ATP9B: variants seen among roughly 807,000 people sequenced by gnomAD.
The protein encoded by ATP9B is ATPase phospholipid transporting 9B.
A neutral mutation model predicts 146.1 loss-of-function variants in ATP9B; 110 were observed. The ratio of observed to expected loss-of-function variants is 0.75; its 90% CI spans 0.65 to 0.88. ATP9B has a LOEUF of 0.88. ATP9B is among the 40% of genes least tolerant of loss of function. The pLI is 0.00. For synonymous variants in ATP9B, 604 were observed against 569.7 expected, an observed-to-expected ratio of 1.06 and a Z score of -0.86; for missense variants, 1,499 against 1,496.4, an observed-to-expected ratio of 1.00 and a Z score of -0.03.
At chr18:79,289,943 G>A (rs1039311187) in intron 13 of ATP9B, among the ~76,000 whole-genome samples, 5 of 152,144 alleles carry the variant, frequency 3.3e-5, no homozygotes, top group Non-Finnish European at 7.3e-5. Flanking sequence ...CGTGAATCGC[G>A]AATGCTGCTG....
chr18:79,128,011 A>G (rs1452044798), intron 5 of ATP9B, among the ~76,000 whole-genome samples: 2 of 128,948 alleles, frequency 1.6e-5, no homozygotes, highest in Non-Finnish European at 3.3e-5. Flanking sequence ...AGCTGTTTGT[A>G]TATCTTTTCT....
intron 11 of ATP9B, among the ~76,000 whole-genome samples, chr18:79,247,367 T>C (rs150997069): frequency 2.0e-5 from 3 of 152,314 alleles, no homozygotes; most frequent in Non-Finnish European, 4.4e-5. Flanking sequence ...TGGACAATTA[T>C]AAAAAATTCT....
chr18:79,194,781 A>T (rs2095403317), intron 9 of ATP9B, among the ~76,000 whole-genome samples: 1 of 149,776 alleles, frequency 6.7e-6, no homozygotes, highest in African/African-American at 2.4e-5. Flanking sequence ...AATTTACTGT[A>T]AGTGGGGAAA....
intron 13 of ATP9B, among the ~76,000 whole-genome samples, chr18:79,289,761 T>G (rs2096482850): frequency 6.6e-6 from 1 of 152,202 alleles, no homozygotes; most frequent in Admixed American, 6.5e-5. Flanking sequence ...TTTTGGTCTT[T>G]GATGATGGTG....
chr18:79,347,761 T>C lies in ATP9B; in HGVS notation c.2683-9T>C. 6.5e-7 allele frequency: 1 copy of C among 1,533,788 alleles called. No individual in the cohort carries two copies. The highest frequency in any genetic ancestry group is 8.8e-7 in the Non-Finnish European group (1 of 1,140,522). On this transcript the variant is annotated splice_polypyrimidine_tract_variant and intron_variant, in intron 23 of 29. Coordinates refer to ENST00000426216, the MANE Select transcript of ATP9B (RefSeq NM_198531.5). ...ATGTTTGAAAAGGCCCCGTGTGCTT[T>C]TCTCTCAGGAGGGTAAACAGGCCTC...
chr18:79,194,832 G>A (rs1463741716), intron 9 of ATP9B, among the ~76,000 whole-genome samples: 1 of 152,264 alleles, frequency 6.6e-6, no homozygotes, highest in Non-Finnish European at 1.5e-5. Context: ...CCAGGATGGT[G>A]CAGCAGAAGG....
At chr18:79,217,196 A>T (rs924065175) in intron 11 of ATP9B, among the ~76,000 whole-genome samples, 2 of 152,052 alleles carry the variant, frequency 1.3e-5, no homozygotes, top group African/African-American at 4.8e-5. Flanking sequence ...TTATTTATTT[A>T]TTTTTTGAGA....
intron 9 of ATP9B, among the ~76,000 whole-genome samples, chr18:79,200,315 C>T (rs2095456866): frequency 6.6e-6 from 1 of 152,192 alleles, no homozygotes; most frequent in South Asian, 2.1e-4. Context: ...GAAGCAGAAA[C>T]TGTTAGAACT....
At chr18:79,079,145 A>C (rs2072967439) in intron 1 of ATP9B, among the ~76,000 whole-genome samples, 1 of 152,212 alleles carries the variant, frequency 6.6e-6, no homozygotes, top group African/African-American at 2.4e-5. Context: ...TCTTTATAGT[A>C]GAATGATTTA....
intron 1 of ATP9B, among the ~76,000 whole-genome samples, chr18:79,071,054 T>TTC (rs1429779512): frequency 2.7e-5 from 4 of 149,982 alleles, no homozygotes; most frequent in Non-Finnish European, 1.5e-5. Flanking sequence ...TGTTTCTTTT[T>TTC]TTTTTTTTTT....
chr18:79,206,949 C>A lies in ATP9B; in HGVS notation c.967C>A (p.Pro323Thr). The A allele has an allele frequency of 6.2e-7, 1 of 1,613,956 alleles. No individual in the cohort carries two copies. The highest frequency in any genetic ancestry group is 8.5e-7 in the Non-Finnish European group (1 of 1,179,914). Residue 323 changes from proline (P) to threonine (T), a missense_variant, in exon 10 of 30, where the codon CCG becomes ACG. By Grantham distance (38) the Pro-to-Thr change is conservative. Transcript: ENST00000426216. ...TCTCCCTGCACAGGAAGACAGTGAC[C>A]CGCCCATTCATGAAAGTCTCAGCAT... Reference protein sequence around the residue: ...EGTFTREDSDPPIHESLSIEN... With the variant: ...EGTFTREDSDTPIHESLSIEN...
intron 17 of ATP9B, among the ~76,000 whole-genome samples, chr18:79,335,875 A>G (rs2096821860): frequency 6.6e-6 from 1 of 152,192 alleles, no homozygotes; most frequent in Non-Finnish European, 1.5e-5. Context: ...TTGCCCAAAA[A>G]CACAAAGTCT....
intron 12 of ATP9B, among the ~76,000 whole-genome samples, chr18:79,259,482 A>G (rs1401116344): frequency 1.3e-5 from 2 of 152,190 alleles, no homozygotes; most frequent in African/African-American, 4.8e-5. Flanking sequence ...ACAAAGTGAT[A>G]AAGGTGTTCC....
intron 11 of ATP9B, among the ~76,000 whole-genome samples, chr18:79,235,358 A>G (rs1230264043): frequency 6.6e-6 from 1 of 151,882 alleles, no homozygotes; most frequent in Non-Finnish European, 1.5e-5. Context: ...TATAAACTAG[A>G]CTCCCATTCA....
At chr18:79,286,050 A>T (rs1198832000) in intron 13 of ATP9B, among the ~76,000 whole-genome samples, 1 of 151,390 alleles carries the variant, frequency 6.6e-6, no homozygotes, top group East Asian at 1.9e-4. Flanking sequence ...GTCAGGTAGC[A>T]TGATGCCTCC....
chr18:79,135,438 C>G (rs2094436198), intron 5 of ATP9B, among the ~76,000 whole-genome samples: 3 of 152,206 alleles, frequency 2.0e-5, no homozygotes, highest in Admixed American at 2.0e-4. Context: ...TCTCATTAAA[C>G]TGTGGCTCTT....
Position 79,275,749 on chromosome 18 carries a change from T to C in ATP9B, c.1269-1305T>C, listed in dbSNP as rs144806706. ...TTGAGTGTCATCTTGCAGGGGAGCT[T>C]TGAGTCATCTTCGCTTAGTGCTTGT... On this transcript the variant is annotated intron_variant, in intron 12 of 29. Coordinates refer to ENST00000426216, the MANE Select transcript of ATP9B (RefSeq NM_198531.5). Among the ~76,000 whole-genome samples, 42 of 152,338 alleles carry C rather than the reference T, an allele frequency of 2.8e-4. 1 individual carries two copies. In the East Asian group the frequency reaches 8.1e-3, roughly 29 times the overall value.
At chr18:79,365,100 T>C (rs1159126781) in intron 26 of ATP9B, among the ~76,000 whole-genome samples, 1 of 152,124 alleles carries the variant, frequency 6.6e-6, no homozygotes, top group East Asian at 1.9e-4. Context: ...GAAGGAAATA[T>C]TTGCATGTCA....
Position 79,285,497 on chromosome 18 carries a change from A to G in ATP9B, c.1411+8301A>G, listed in dbSNP as rs548479478. 9.9e-3 allele frequency among the ~76,000 whole-genome samples: 1,510 copies of G among 152,110 alleles called. 19 individuals are homozygous for G. The highest frequency in any genetic ancestry group is 0.034 in the African/African-American group (1,422 of 41,488). On this transcript the variant is annotated intron_variant, in intron 13 of 29. Coordinates refer to ENST00000426216, the MANE Select transcript of ATP9B (RefSeq NM_198531.5). The stretch of plus-strand genomic sequence containing the variant: ...TTTTCTTGTAAATTTATTTGAGTTC[A>G]TTGTAGATTCTGGATATTAGCCCTT...
Sources: gnomAD v4.1 joint callset for allele counts (sites outside exome capture counted in the v4.1 genomes callset) on GRCh38, gnomAD v4.1.1 for gene constraint, MANE v1.5 for transcripts, NCBI Gene and HGNC (gene_info 2026-07-23, HGNC 2026-07-21) for gene names.